Variants in GARRE1 observed in about 807,000 individuals in gnomAD.
The protein encoded by GARRE1 is granule associated Rac and RHOG effector 1.
A neutral mutation model predicts 103.2 loss-of-function variants in GARRE1; 49 were observed. That is an observed-to-expected ratio of 0.47 (90% CI 0.38 to 0.60). The LOEUF (loss-of-function observed/expected upper bound fraction) is 0.60, where lower values mean the gene tolerates loss of function less well. GARRE1 is among the 20% of genes least tolerant of loss of function. GARRE1 has a pLI of 0.00. For missense variants in GARRE1, 1,199 were observed against 1,370.5 expected (o/e 0.87, Z 1.98); for synonymous variants, 505 against 532.8 (o/e 0.95, Z 0.72).
chr19:34,347,341 C>T (rs2074216252), intron 10 of GARRE1, among the ~76,000 whole-genome samples: 2 of 151,652 alleles, frequency 1.3e-5, no homozygotes, highest in South Asian at 2.1e-4. Context: ...CCACCCACCT[C>T]AGCCTCCCAA....
At chr19:34,310,540 T>A (rs1207549871) in intron 2 of GARRE1, among the ~76,000 whole-genome samples, 2 of 152,212 alleles carry the variant, frequency 1.3e-5, no homozygotes, top group Non-Finnish European at 2.9e-5. Flanking sequence ...TGAGCACCCT[T>A]GCTCGCACTA....
intron 3 of GARRE1, among the ~76,000 whole-genome samples, chr19:34,324,279 A>G (rs1008421427): frequency 2.6e-5 from 4 of 151,998 alleles, no homozygotes; most frequent in Non-Finnish European, 4.4e-5. Flanking sequence ...CCTTTCATTC[A>G]TTCTAAAAAA....
chr19:34,326,180 CT>C (rs1244277475), intron 3 of GARRE1, among the ~76,000 whole-genome samples: 8 of 152,222 alleles, frequency 5.3e-5, no homozygotes, highest in African/African-American at 1.7e-4. Context: ...CTGTGAGACT[CT>C]TAGGCTTCAG....
intron 8 of GARRE1, among the ~76,000 whole-genome samples, chr19:34,336,284 C>T (rs2074160837): frequency 6.6e-6 from 1 of 152,094 alleles, no homozygotes; most frequent in Non-Finnish European, 1.5e-5. Flanking sequence ...AGCTACTGTA[C>T]CTGGCCCAAA....
intron 2 of GARRE1, among the ~76,000 whole-genome samples, chr19:34,308,991 G>T (rs747862172): frequency 3.9e-5 from 6 of 152,024 alleles, no homozygotes; most frequent in Non-Finnish European, 7.4e-5. Context: ...TCATGGAAAT[G>T]GAGACAGGTC....
rs548071819 is a variant in GARRE1, at chr19:34,323,028, T to C, written c.705+2912T>C. Among the ~76,000 whole-genome samples the C allele has an allele frequency of 1.2e-4, 14 of 121,328 alleles. No homozygotes were observed. In the South Asian group the frequency reaches 1.2e-3, roughly 11 times the overall value. The allele number at this position is 121,328 out of a possible 152,430, so 79.6% of individuals were successfully genotyped here. A position where few individuals can be genotyped will look rare whatever the true frequency, so the allele number is the denominator to read the frequency against. On this transcript the variant is annotated intron_variant, in intron 3 of 13. Coordinates refer to ENST00000299505, the MANE Select transcript of GARRE1 (RefSeq NM_014686.5). ...CTTGGCAAAGTATTTCTTTTCTTTT[T>C]TTTTTTTTTTTTTTTTTTTTTTGAG...
chr19:34,300,674 G>A lies in GARRE1; in HGVS notation c.201G>A (p.Met67Ile), dbSNP rs1483339918. Residue 67 changes from methionine (M) to isoleucine (I), a missense_variant, in exon 2 of 14, where the codon ATG (methionine) becomes ATA (isoleucine). Coordinates refer to ENST00000299505, the MANE Select transcript of GARRE1 (RefSeq NM_014686.5). Reference protein sequence around the residue: ...LTAAGSCHHAMPHTTPIADIQ... With the variant: ...LTAAGSCHHAIPHTTPIADIQ... Reference sequence around the variant, plus strand: ...CTGCAGGCAGCTGCCACCATGCCATGCCCCACACTACTCCTATCGCCGACA... The same window carrying A: ...CTGCAGGCAGCTGCCACCATGCCATACCCCACACTACTCCTATCGCCGACA... The A allele has an allele frequency of 1.9e-6, 3 of 1,613,872 alleles. No individual in the cohort carries two copies. The highest frequency in any genetic ancestry group is 2.5e-6 in the Non-Finnish European group (3 of 1,180,034).
At chr19:34,304,585 C>T (rs1409566046) in intron 2 of GARRE1, among the ~76,000 whole-genome samples, 1 of 151,088 alleles carries the variant, frequency 6.6e-6, no homozygotes, top group Non-Finnish European at 1.5e-5. Context: ...ACCATGTTGA[C>T]TAGGCTGGTC....
At chr19:34,342,482 C>T (rs1323247455) in intron 10 of GARRE1, 27 bp downstream of exon 10, 3 of 1,575,326 alleles carry the variant, frequency 1.9e-6, no homozygotes, top group Non-Finnish European at 2.6e-6. Context: ...ATCCCTCGCC[C>T]AGTGTCAACA....
chr19:34,280,500 A>G (rs1197538331), intron 1 of GARRE1, among the ~76,000 whole-genome samples: 1 of 152,124 alleles, frequency 6.6e-6, no homozygotes, highest in African/African-American at 2.4e-5. Flanking sequence ...AAATATTTTC[A>G]TCTATGGATT....
rs117484150 is a variant in GARRE1 at position 34,316,081 on chromosome 19, G to A, written c.496-3826G>A. 7.8e-4 allele frequency among the ~76,000 whole-genome samples: 119 copies of A among 152,168 alleles called. 1 individual carries two copies. The East Asian group carries it at 0.021, about 27-fold the overall frequency. On this transcript the variant is annotated intron_variant, in intron 2 of 13. Coordinates refer to ENST00000299505, the MANE Select transcript of GARRE1 (RefSeq NM_014686.5). ...CCTGGTGGTTAGCAACACAGTTTTC[G>A]GAGTCAAACAGACCTGGTGTCAGAT...
intron 1 of GARRE1, among the ~76,000 whole-genome samples, chr19:34,270,217 C>T (rs2073778400): frequency 6.6e-6 from 1 of 152,242 alleles, no homozygotes; most frequent in Non-Finnish European, 1.5e-5. Flanking sequence ...AGGACAAGGC[C>T]TCAGGGCCTG....
At chr19:34,303,039 C>G (rs546829445) in intron 2 of GARRE1, among the ~76,000 whole-genome samples, 2 of 152,096 alleles carry the variant, frequency 1.3e-5, no homozygotes, top group Non-Finnish European at 2.9e-5. Context: ...GCCACCACAC[C>G]CAGCCTCTTT....
chr19:34,294,932 C>G (rs1285863973), intron 1 of GARRE1, among the ~76,000 whole-genome samples: 1 of 152,328 alleles, frequency 6.6e-6, no homozygotes, highest in Admixed American at 6.5e-5. Context: ...CCACCTCGGC[C>G]TCCCAAAGCA....
intron 1 of GARRE1, among the ~76,000 whole-genome samples, chr19:34,287,209 C>T (rs1277253321): frequency 6.6e-6 from 1 of 151,938 alleles, no homozygotes; most frequent in Non-Finnish European, 1.5e-5. Context: ...GGATTGCATC[C>T]CAGTAATCAG....
At chr19:34,267,681 CA>C (rs1306951636) in intron 1 of GARRE1, among the ~76,000 whole-genome samples, 1 of 150,772 alleles carries the variant, frequency 6.6e-6, no homozygotes, top group African/African-American at 2.4e-5. Context: ...CACACTGTAA[CA>C]AAAATAAACC....
chr19:34,335,806 G>A (rs528397052), intron 8 of GARRE1, among the ~76,000 whole-genome samples: 9 of 152,266 alleles, frequency 5.9e-5, no homozygotes, highest in South Asian at 2.1e-4. Flanking sequence ...GTTTACAGGC[G>A]TGAGTCACCG....
chr19:34,352,909 TC>T lies in GARRE1; in HGVS notation c.3170del (p.Pro1057LeufsTer34). The T allele has an allele frequency of 1.3e-6, 2 of 1,573,466 alleles. No homozygotes were observed. Among genetic ancestry groups the T allele is most frequent in the Admixed American group, 1.8e-5 (1 of 54,332 alleles). On this transcript the variant is annotated frameshift_variant, in exon 14 of 14. Coordinates refer to ENST00000299505, the MANE Select transcript of GARRE1 (RefSeq NM_014686.5). LOFTEE classifies it high-confidence loss of function. ...HKAAPKGFKA[F>X]PGKGERRPAY... Reference sequence around the variant, plus strand: ...GCAGCACCCAAGGGCTTCAAGGCCTTCCCTGGGAAGGGTGAGCGCAGGCCAG... The same window carrying T: ...GCAGCACCCAAGGGCTTCAAGGCCTTCCTGGGAAGGGTGAGCGCAGGCCAG...
intron 1 of GARRE1, among the ~76,000 whole-genome samples, chr19:34,275,118 A>G (rs973551920): frequency 6.6e-6 from 1 of 150,970 alleles, no homozygotes; most frequent in African/African-American, 2.4e-5. Context: ...TCAAGGGTAG[A>G]TATTTGGATT....
Sources: gnomAD v4.1 joint callset for allele counts (sites outside exome capture counted in the v4.1 genomes callset) on GRCh38, gnomAD v4.1.1 for gene constraint, MANE v1.5 for transcripts, NCBI Gene and HGNC (gene_info 2026-07-23, HGNC 2026-07-21) for gene names.